Variants in EYA4 observed in about 807,000 individuals in gnomAD.
The protein encoded by EYA4 is EYA transcriptional coactivator and phosphatase 4.
Under a neutral mutation model 87.9 loss-of-function variants are expected in EYA4, and 31 were observed. The ratio of observed to expected loss-of-function variants is 0.35; its 90% CI spans 0.27 to 0.48. The LOEUF (loss-of-function observed/expected upper bound fraction) is 0.48, where lower values mean the gene tolerates loss of function less well. Among genes scored for constraint, EYA4 ranks in the 20% least tolerant of loss-of-function variants. The probability of loss-of-function intolerance (pLI) is 0.99; values close to 1 mark genes in which losing one functional copy is unlikely to be tolerated. For synonymous variants in EYA4, 263 were observed against 270.6 expected, an observed-to-expected ratio of 0.97 and a Z score of 0.28; for missense variants, 678 against 761.4, an observed-to-expected ratio of 0.89 and a Z score of 1.29.
intron 3 of EYA4, among the ~76,000 whole-genome samples, chr6:133,406,462 G>A (rs1044895674): frequency 3.9e-5 from 6 of 152,200 alleles, no homozygotes; most frequent in South Asian, 2.1e-4. Flanking sequence ...GGCAGTGCAG[G>A]ATCTGTGAAG....
chr6:133,419,688 C>A (rs557814163), intron 3 of EYA4, among the ~76,000 whole-genome samples: 1 of 152,114 alleles, frequency 6.6e-6, no homozygotes, highest in Non-Finnish European at 1.5e-5. Context: ...CTCAGACAAA[C>A]CAAACTATTA....
At chr6:133,291,060 A>G (rs563314088) in intron 2 of EYA4, among the ~76,000 whole-genome samples, 1 of 152,278 alleles carries the variant, frequency 6.6e-6, no homozygotes, top group African/African-American at 2.4e-5. Context: ...TCTCCTAGTT[A>G]TTATTTACTG....
At chr6:133,385,879 T>G (rs537236588) in intron 3 of EYA4, among the ~76,000 whole-genome samples, 1 of 152,334 alleles carries the variant, frequency 6.6e-6, no homozygotes, top group African/African-American at 2.4e-5. Flanking sequence ...GCAGTATAAG[T>G]ACGGCACCAA....
chr6:133,510,564 C>A, intron 14 of EYA4: 1 of 238,042 alleles, frequency 4.2e-6, no homozygotes. Context: ...ACTATCATTG[C>A]TTGCAATGCC....
chr6:133,475,237 CTTTA>C (rs1449765361), intron 11 of EYA4, among the ~76,000 whole-genome samples: 1 of 151,980 alleles, frequency 6.6e-6, no homozygotes, highest in Non-Finnish European at 1.5e-5. Context: ...AAAGGTCTTT[CTTTA>C]AAGTAAAATT....
At chr6:133,524,471 G>A (rs912845797) in intron 18 of EYA4, among the ~76,000 whole-genome samples, 30 of 152,148 alleles carry the variant, frequency 2.0e-4, no homozygotes, top group Admixed American at 2.0e-3. Context: ...CCACGGTGAT[G>A]TTCCCGTAGT....
intron 3 of EYA4, chr6:133,435,044 G>A (rs1278061157): frequency 1.3e-5 from 2 of 152,118 alleles, no homozygotes; most frequent in Non-Finnish European, 2.9e-5. Context: ...CGATTAAGGG[G>A]GACTTTTAAA....
At chr6:133,512,581 A>G in intron 14 of EYA4, 140 bp from the exon 15 acceptor site, 1 of 740,184 alleles carries the variant, frequency 1.4e-6, no homozygotes, top group South Asian at 1.5e-5. Flanking sequence ...AGAAGAAAAC[A>G]AGAGTGAGGC....
intron 17 of EYA4, among the ~76,000 whole-genome samples, chr6:133,522,332 C>T (rs867887169): frequency 7.3e-5 from 11 of 151,104 alleles, no homozygotes; most frequent in Non-Finnish European, 1.2e-4. Context: ...ACTACTCTAC[C>T]GTGTAGAGTA....
chr6:133,499,737 A>C (rs1797945851), intron 13 of EYA4, among the ~76,000 whole-genome samples: 1 of 152,168 alleles, frequency 6.6e-6, no homozygotes, highest in Non-Finnish European at 1.5e-5. Flanking sequence ...TTAAGTCCAC[A>C]GAATGATCTT....
intron 2 of EYA4, among the ~76,000 whole-genome samples, chr6:133,331,028 T>A (rs450886): frequency 9.8e-6 from 1 of 102,562 alleles, no homozygotes; most frequent in African/African-American, 4.7e-5. Flanking sequence ...ACCAAACGGG[T>A]TTTTTTTTTT....
chr6:133,439,602 T>C (rs1417353738), intron 3 of EYA4: 1 of 152,208 alleles, frequency 6.6e-6, no homozygotes, highest in African/African-American at 2.4e-5. Context: ...ATAGCACTTA[T>C]TTGTCCCTAC....
chr6:133,375,115 C>T (rs572927056), intron 2 of EYA4, among the ~76,000 whole-genome samples: 5 of 151,822 alleles, frequency 3.3e-5, no homozygotes, highest in Non-Finnish European at 7.4e-5. Flanking sequence ...GAAAATGAGT[C>T]GTATTGAGAA....
chr6:133,344,274 T>C (rs1158644177), intron 2 of EYA4, among the ~76,000 whole-genome samples: 1 of 152,228 alleles, frequency 6.6e-6, no homozygotes, highest in Non-Finnish European at 1.5e-5. Flanking sequence ...ACATTTAAAA[T>C]AGGTGAACTA....
intron 2 of EYA4, among the ~76,000 whole-genome samples, chr6:133,340,684 A>C (rs771896183): frequency 1.6e-4 from 24 of 152,234 alleles, no homozygotes; most frequent in Middle Eastern, 6.8e-3. Context: ...AAGTGAGGAG[A>C]GGGACTCGAA....
chr6:133,351,952 A>C (rs1783672995), intron 2 of EYA4, among the ~76,000 whole-genome samples: 1 of 151,814 alleles, frequency 6.6e-6, no homozygotes, highest in Admixed American at 6.6e-5. Flanking sequence ...ATTTAGAAGA[A>C]TTTAAAATGG....
chr6:133,479,536 T>C (rs933594304), intron 11 of EYA4, among the ~76,000 whole-genome samples: 1 of 152,184 alleles, frequency 6.6e-6, no homozygotes, highest in African/African-American at 2.4e-5. Flanking sequence ...ATTTGTTTAT[T>C]TAGATTAATA....
chr6:133,529,522 G>GAAAAAAAAAAA lies in EYA4; in HGVS notation c.*725_*726insAAAAAAAAAAA, dbSNP rs1368384338. On this transcript the variant is annotated 3_prime_UTR_variant, in exon 20 of 20. Transcript: ENST00000355286. ...TTTGGTTAAAATCTCTGTAGATAAT[G>GAAAAAAAAAAA]AAAAAAAACAAAAAAAAAAACCTTT... 1.2e-6 allele frequency: 1 copy of GAAAAAAAAAAA among 844,826 alleles called. No homozygotes were observed. Among genetic ancestry groups the GAAAAAAAAAAA allele is most frequent in the African/African-American group, 2.3e-5 (1 of 43,720 alleles). 52.3% of individuals were successfully genotyped at this position (844,826 alleles called of 1,614,324 possible). A position where few individuals can be genotyped will look rare whatever the true frequency, so the allele number is the denominator to read the frequency against.
chr6:133,410,034 A>C (rs1789070242), intron 3 of EYA4, among the ~76,000 whole-genome samples: 1 of 152,174 alleles, frequency 6.6e-6, no homozygotes, highest in South Asian at 2.1e-4. Context: ...CTTTTGAAAC[A>C]CTTCAAATAC....
Sources: gnomAD v4.1 joint callset for allele counts (sites outside exome capture counted in the v4.1 genomes callset) on GRCh38, gnomAD v4.1.1 for gene constraint, MANE v1.5 for transcripts, NCBI Gene and HGNC (gene_info 2026-07-23, HGNC 2026-07-21) for gene names.